RGS14: variants seen among roughly 807,000 people sequenced by gnomAD.
RGS14 encodes regulator of G protein signaling 14.
RGS14 carries 33 observed loss-of-function variants against 63.8 expected under a neutral mutation model. That is an observed-to-expected ratio of 0.52 (90% confidence interval 0.39 to 0.69). RGS14 has a LOEUF of 0.69. RGS14 is among the 30% of genes least tolerant of loss of function. The probability of loss-of-function intolerance (pLI) is 0.00; values close to 1 mark genes in which losing one functional copy is unlikely to be tolerated. For synonymous variants in RGS14, 296 were observed against 320.9 expected (o/e 0.92, Z 0.83); for missense variants, 739 against 742.9 (o/e 0.99, Z 0.06).
chr5:177,368,083 A>C, intron 7 of RGS14, 74 bp from the exon 8 acceptor site: 2 of 1,561,792 alleles, frequency 1.3e-6, no homozygotes, highest in East Asian at 4.5e-5. Flanking sequence ...AAGGCCCACC[A>C]GTGGGGAACA....
rs775207129 is a variant in RGS14, at chr5:177,367,041, G to T, written c.483+7G>T. 4 of 1,599,936 alleles carry T rather than the reference G, an allele frequency of 2.5e-6. No homozygotes were observed. Among genetic ancestry groups the T allele is most frequent in the East Asian group, 2.2e-5 (1 of 44,726 alleles). On this transcript the variant is annotated splice_region_variant and intron_variant, in intron 5 of 14. Coordinates refer to ENST00000408923, the MANE Select transcript of RGS14 (RefSeq NM_006480.5). ...TCGGGCACAGCAGCTTCAGGTGGGCGATCCTGGGGGGATTGGCCTTGAAAG... is the reference window on the plus strand; with the variant it reads ...TCGGGCACAGCAGCTTCAGGTGGGCTATCCTGGGGGGATTGGCCTTGAAAG...
At chr5:177,366,410 A>G in intron 3 of RGS14, 55 bp downstream of exon 3, 1 of 1,453,240 alleles carries the variant, frequency 6.9e-7, no homozygotes, top group South Asian at 1.4e-5. Context: ...CAGGGCGTGG[A>G]TGGAGCTTCA....
Position 177,366,837 on chromosome 5 carries a change from G to A in RGS14, c.339+37G>A, listed in dbSNP as rs1762105948. The stretch of plus-strand genomic sequence containing the variant: ...GGGAGCTGGGGCCGAGGGCTGGGGA[G>A]AGGGGAACTGGGCCACGCTCCCTGA... On this transcript the variant is annotated intron_variant, in intron 4 of 14. Coordinates refer to ENST00000408923, the MANE Select transcript of RGS14 (RefSeq NM_006480.5). 2.5e-6 allele frequency: 4 copies of A among 1,613,918 alleles called. No homozygotes were observed. The South Asian group carries it at 3.3e-5, about 13-fold the overall frequency.
At position 177,371,084 on chromosome 5, in the gene RGS14, GCCGGGGCCGGGGCCGGGGCCGGGGC is replaced by G. The variant is rs1762248351; in HGVS notation, c.1254+55_1255-55del. ...GGGGCGGGGCCGGGCCGGGGCCGGGGCCGGGGCCGGGGCCGGGGCCGGGGCCGGGGCCGGGGCCGGGCGGAGGCCT... is the reference window on the plus strand; with the variant it reads ...GGGGCGGGGCCGGGCCGGGGCCGGGGCGGGGCCGGGGCCGGGCGGAGGCCT... On this transcript the variant is annotated intron_variant, in intron 11 of 14. Coordinates refer to ENST00000408923, the MANE Select transcript of RGS14 (RefSeq NM_006480.5). The surrounding 1 kb of genome is among the most constrained non-coding windows in gnomAD (Gnocchi z 6.1). 3 of 535,794 alleles carry G rather than the reference GCCGGGGCCGGGGCCGGGGCCGGGGC, an allele frequency of 5.6e-6. No individual in the cohort carries two copies. The African/African-American group carries it at 1.0e-4, about 19-fold the overall frequency. The allele number at this position is 535,794 out of a possible 1,614,324, so 33.2% of individuals were successfully genotyped here.
Position 177,358,139 on chromosome 5 carries a change from C to T in RGS14, c.45+70C>T. 23 of 1,230,918 alleles carry T rather than the reference C, an allele frequency of 1.9e-5. 2 individuals carry two copies. Among genetic ancestry groups the T allele is most frequent in the Middle Eastern group, 4.4e-4 (2 of 4,532 alleles). The allele number at this position is 1,230,918 out of a possible 1,614,324, so 76.2% of individuals were successfully genotyped here. Reference sequence around the variant, plus strand: ...CACCCAGGGTGGAGCCCAGGAGGCACACCCGGCAGGGCCAGGCAAGAGCCC... The same window carrying T: ...CACCCAGGGTGGAGCCCAGGAGGCATACCCGGCAGGGCCAGGCAAGAGCCC... On this transcript the variant is annotated intron_variant, in intron 1 of 14. Transcript: ENST00000408923. This position sits in a 1 kb window ranked among gnomAD's most constrained non-coding sequence, Gnocchi z 4.8.
At chr5:177,370,534 A>G in intron 9 of RGS14, 57 bp from the exon 10 acceptor site, 2 of 1,518,148 alleles carry the variant, frequency 1.3e-6, no homozygotes, top group Non-Finnish European at 1.8e-6. Flanking sequence ...TCAGACCCAC[A>G]GGGATGGCTG....
At chr5:177,370,699 C>G in intron 10 of RGS14, 35 bp downstream of exon 10, 1 of 1,605,658 alleles carries the variant, frequency 6.2e-7, no homozygotes, top group Non-Finnish European at 8.5e-7. Flanking sequence ...GGTCCCAGGT[C>G]CTGACGCTCC....
intron 5 of RGS14, 163 bp from the exon 6 acceptor site, chr5:177,367,251 G>T: frequency 8.7e-7 from 1 of 1,146,398 alleles, no homozygotes; most frequent in Admixed American, 2.7e-5. Flanking sequence ...CTCGGGGCGG[G>T]CTTGGACCCC....
At chr5:177,365,398 T>TAGTAGA (rs1762065229) in intron 1 of RGS14, among the ~76,000 whole-genome samples, 2 of 152,090 alleles carry the variant, frequency 1.3e-5, no homozygotes, top group East Asian at 3.9e-4. Flanking sequence ...AGACTGGGTT[T>TAGTAGA]CACCATGTTG....
chr5:177,366,447 A>G lies in RGS14; in HGVS notation c.246+92A>G. On this transcript the variant is annotated intron_variant, in intron 3 of 14. Transcript: ENST00000408923. ...GCTGGCCAGAGTGGGGTCCTCTGTC[A>G]GCTTCCTCATCTAGCCTTCCTGCAG... 5 of 1,182,784 alleles carry G rather than the reference A, an allele frequency of 4.2e-6. No homozygotes were observed. The South Asian group carries it at 7.9e-5, about 19-fold the overall frequency. The allele number at this position is 1,182,784 out of a possible 1,614,324, so 73.3% of individuals were successfully genotyped here.
In RGS14 at chr5:177,366,697, T is replaced by C; in HGVS notation, c.247-11T>C. The C allele has an allele frequency of 6.2e-7, 1 of 1,613,526 alleles. No individual in the cohort carries two copies. Among genetic ancestry groups the C allele is most frequent in the Non-Finnish European group, 8.5e-7 (1 of 1,179,578 alleles). ...GAGTCTCTGCCTGCCTCCCCCTCCT[T>C]CCCCTCCCAGGAGTTCCTGAAGAAG... On this transcript the variant is annotated splice_polypyrimidine_tract_variant and intron_variant, in intron 3 of 14. Coordinates refer to ENST00000408923, the MANE Select transcript of RGS14 (RefSeq NM_006480.5).
intron 8 of RGS14, 117 bp from the exon 9 acceptor site, chr5:177,368,600 C>G: frequency 9.7e-7 from 1 of 1,031,648 alleles, no homozygotes. Context: ...GTATCTTTGC[C>G]TGCCTTGGGA....
In RGS14 at chr5:177,371,939, A is replaced by G. The variant is rs1252518638; in HGVS notation, c.1565A>G (p.Lys522Arg). 9.3e-6 allele frequency: 15 copies of G among 1,614,014 alleles called. No individual in the cohort carries two copies. Among genetic ancestry groups the G allele is most frequent in the Non-Finnish European group, 1.3e-5 (15 of 1,179,992 alleles). The stretch of plus-strand genomic sequence containing the variant: ...CACGACCAGAGGGGCCTTCTGAGGA[A>G]AGAGGACCTGGTACTTCCAGAATTT... ...GAHDQRGLLR[K>R]EDLVLPEFLQ... Residue 522 changes from lysine to arginine, a missense_variant, in exon 15 of 15, where the codon AAA (lysine) becomes AGA (arginine). Lys to Arg is a conservative substitution (Grantham distance 26). Transcript: ENST00000408923. The surrounding 1 kb of genome is among the most constrained non-coding windows in gnomAD (Gnocchi z 6.1).
At position 177,368,162 on chromosome 5, in the gene RGS14, G is replaced by A. The variant is rs112465391; in HGVS notation, c.745G>A (p.Gly249Ser). Residue 249 changes from glycine to serine, a missense_variant, in exon 8 of 15, where the codon GGC becomes AGC. By Grantham distance (56) the Gly-to-Ser change is moderately conservative. Coordinates refer to ENST00000408923, the MANE Select transcript of RGS14 (RefSeq NM_006480.5). Reference protein sequence around the residue: ...PLRKSFRRELGGTANAALRRE... With the variant: ...PLRKSFRRELSGTANAALRRE... ...CATCGCTCCCTCTTCACTAGAGCTGGGCGGGACTGCAAACGCCGCCTTGCG... is the reference window on the plus strand; with the variant it reads ...CATCGCTCCCTCTTCACTAGAGCTGAGCGGGACTGCAAACGCCGCCTTGCG... The A allele has an allele frequency of 3.1e-4, 498 of 1,613,206 alleles. 5 individuals are homozygous for A. The African/African-American group carries it at 5.7e-3, about 18-fold the overall frequency.
chr5:177,368,315 T>TG, intron 8 of RGS14, 49 bp downstream of exon 8: 2 of 1,533,092 alleles, frequency 1.3e-6, no homozygotes, highest in Non-Finnish European at 1.8e-6. Flanking sequence ...CTAGAGTCAC[T>TG]ACTCAGGCCC....
intron 1 of RGS14, among the ~76,000 whole-genome samples, chr5:177,365,422 C>T (rs1164823296): frequency 1.3e-5 from 2 of 151,432 alleles, no homozygotes; most frequent in African/African-American, 4.9e-5. Context: ...AGGCTGGTCT[C>T]GAACTCCTGA....
At chr5:177,367,286 C>A in intron 5 of RGS14, 128 bp from the exon 6 acceptor site, 1 of 1,316,042 alleles carries the variant, frequency 7.6e-7, no homozygotes, top group Non-Finnish European at 1.0e-6. Flanking sequence ...GAACTGAGGT[C>A]GGGGCGGGGC....
intron 10 of RGS14, 36 bp from the exon 11 acceptor site, chr5:177,370,869 C>A: frequency 6.4e-7 from 1 of 1,560,030 alleles, no homozygotes; most frequent in Non-Finnish European, 8.6e-7. Flanking sequence ...GGGGGGCCGG[C>A]CCTCCGGCCC....
Position 177,357,989 on chromosome 5 carries a change from C to A in RGS14, c.-36C>A. On this transcript the variant is annotated 5_prime_UTR_variant, in exon 1 of 15. Transcript: ENST00000408923. ...CGCTGCCCACAGTCCCCATGGTGGG[C>A]AGCCCCCGCGGCGGGGACCCCTGAT... The A allele has an allele frequency of 7.5e-7, 1 of 1,335,728 alleles. No individual in the cohort carries two copies. Among genetic ancestry groups the A allele is most frequent in the Non-Finnish European group, 9.7e-7 (1 of 1,035,252 alleles). The allele number at this position is 1,335,728 out of a possible 1,614,324, so 82.7% of individuals were successfully genotyped here. A position where few individuals can be genotyped will look rare whatever the true frequency, so the allele number is the denominator to read the frequency against.
Sources: allele counts gnomAD v4.1 joint callset (sites outside exome capture counted in the v4.1 genomes callset), GRCh38; gene constraint gnomAD v4.1.1; non-coding constraint Gnocchi (gnomAD v3.1); transcripts MANE v1.5; gene names NCBI Gene and HGNC (gene_info 2026-07-23, HGNC 2026-07-21).